Variants in NRG2 observed in about 807,000 individuals in gnomAD.
NRG2 encodes the protein neuregulin 2.
NRG2 carries 27 observed loss-of-function variants against 73.9 expected under a neutral mutation model. The ratio of observed to expected loss-of-function variants is 0.37; its 90% CI spans 0.27 to 0.50. NRG2 has a LOEUF of 0.50. Among genes scored for constraint, NRG2 ranks in the 20% least tolerant of loss-of-function variants. NRG2 has a pLI of 0.96. For missense variants in NRG2, 1,126 were observed against 1,210.1 expected (o/e 0.93, Z 1.03); for synonymous variants, 532 against 541.0 (o/e 0.98, Z 0.23).
intron 1 of NRG2, among the ~76,000 whole-genome samples, chr5:139,964,291 C>T (rs1023447389): frequency 5.9e-5 from 9 of 152,090 alleles, no homozygotes; most frequent in Admixed American, 4.6e-4. Flanking sequence ...CTTTATGTAT[C>T]TCCTTTCCGG....
chr5:140,021,466 G>T (rs1760218611), intron 1 of NRG2, among the ~76,000 whole-genome samples: 2 of 152,210 alleles, frequency 1.3e-5, no homozygotes, highest in South Asian at 4.1e-4. Flanking sequence ...AGGTGGGTAT[G>T]GAACACTGGA....
chr5:140,041,381 G>T (rs1761905793), intron 1 of NRG2, among the ~76,000 whole-genome samples: 1 of 152,318 alleles, frequency 6.6e-6, no homozygotes, highest in South Asian at 2.1e-4. Flanking sequence ...TTACTAAGAA[G>T]TAAGTACTGG....
chr5:139,929,997 A>G (rs1038138233), intron 1 of NRG2, among the ~76,000 whole-genome samples: 1 of 152,232 alleles, frequency 6.6e-6, no homozygotes, highest in Non-Finnish European at 1.5e-5. Flanking sequence ...AGGGTAAGCC[A>G]TTGTGACAAC....
At chr5:139,879,260 GA>G (rs148851984) in intron 3 of NRG2, among the ~76,000 whole-genome samples, 9,142 of 152,288 alleles carry the variant, frequency 0.06, 729 homozygotes, top group African/African-American at 0.18. Flanking sequence ...CACGCCCACA[GA>G]GAAAGTTCAG....
intron 1 of NRG2, among the ~76,000 whole-genome samples, chr5:139,897,349 C>T (rs1290406232): frequency 6.6e-6 from 1 of 152,164 alleles, no homozygotes; most frequent in East Asian, 1.9e-4. Flanking sequence ...TGCACAGTGC[C>T]TGAAACAGAG....
rs930196676 is a variant in NRG2 at position 140,008,556 on chromosome 5, G to C, written c.700+33814C>G. On this transcript the variant is annotated intron_variant, in intron 1 of 9. Transcript: ENST00000361474. The surrounding 1 kb of genome is among the most constrained non-coding windows in gnomAD (Gnocchi z 4.2). The stretch of plus-strand genomic sequence containing the variant: ...AGTGAGCTCATCTTTACCTGAGCTA[G>C]CTTGGGAGATTCTAACTTTGGCTTG... Among the ~76,000 whole-genome samples, 17 of 152,220 alleles carry C rather than the reference G, an allele frequency of 1.1e-4. No individual in the cohort carries two copies. Among genetic ancestry groups the C allele is most frequent in the African/African-American group, 4.1e-4 (17 of 41,448 alleles).
At chr5:139,976,136 A>C (rs1240792040) in intron 1 of NRG2, among the ~76,000 whole-genome samples, 2 of 152,198 alleles carry the variant, frequency 1.3e-5, no homozygotes, top group Non-Finnish European at 2.9e-5. Context: ...GGCTGGGTCT[A>C]TGTGACTCTC....
Position 139,852,153 on chromosome 5 carries a change from G to A in NRG2, c.1544+279C>T, listed in dbSNP as rs963627270. On this transcript the variant is annotated intron_variant, in intron 8 of 9. Coordinates refer to ENST00000361474, the MANE Select transcript of NRG2 (RefSeq NM_004883.3). The surrounding 1 kb of genome is among the most constrained non-coding windows in gnomAD (Gnocchi z 4.4). Reference sequence around the variant, plus strand: ...CCGTGGTCCTTAGCTACCTATCTCAGAAGCCCAGCCCCAGGGGCCAGTATG... The same window carrying A: ...CCGTGGTCCTTAGCTACCTATCTCAAAAGCCCAGCCCCAGGGGCCAGTATG... 6.6e-6 allele frequency among the ~76,000 whole-genome samples: 1 copy of A among 152,138 alleles called. No individual in the cohort carries two copies. The highest frequency in any genetic ancestry group is 1.5e-5 in the Non-Finnish European group (1 of 68,028).
At position 139,869,970 on chromosome 5, in the gene NRG2, G is replaced by T. The variant is rs1235320364; in HGVS notation, c.1112+1751C>A. 6.6e-6 allele frequency among the ~76,000 whole-genome samples: 1 copy of T among 152,204 alleles called. No individual in the cohort carries two copies. The highest frequency in any genetic ancestry group is 2.4e-5 in the African/African-American group (1 of 41,436). On this transcript the variant is annotated intron_variant, in intron 4 of 9. Transcript: ENST00000361474. The surrounding 1 kb of genome is among the most constrained non-coding windows in gnomAD (Gnocchi z 4.5). ...CAGAACCTTCCCTGCCCGGACGAGG[G>T]CTGACTTCAGTGACAGTGCTGGATC...
At chr5:139,938,895 A>AGAAG (rs1753090154) in intron 1 of NRG2, among the ~76,000 whole-genome samples, 1 of 75,818 alleles carries the variant, frequency 1.3e-5, no homozygotes, top group Non-Finnish European at 2.4e-5. Flanking sequence ...AAAGAAAGAA[A>AGAAG]GAAAGAAAGA....
chr5:139,848,185 G>T lies in NRG2; in HGVS notation c.2285C>A (p.Ser762Ter), dbSNP rs759120694. The part of the protein sequence containing the change: ...AAQRARAARD[S>*]LSLSSGSGGG... Reference sequence around the variant, plus strand: ...GCCCGAGCCGCTGCTCAGCGACAGCGAGTCCCTCGCCGCCCGTGCGCGCTG... The same window carrying T: ...GCCCGAGCCGCTGCTCAGCGACAGCTAGTCCCTCGCCGCCCGTGCGCGCTG... The change falls in exon 10 of 10, where the codon TCG becomes TAG. Residue 762 changes from serine (S) to a stop codon, truncating the protein, a stop_gained. Transcript: ENST00000361474. LOFTEE classifies it high-confidence loss of function. The T allele has an allele frequency of 7.2e-7, 1 of 1,398,326 alleles. No individual in the cohort carries two copies. Among genetic ancestry groups the T allele is most frequent in the Non-Finnish European group, 9.2e-7 (1 of 1,081,732 alleles). 86.6% of individuals were successfully genotyped at this position (1,398,326 alleles called of 1,614,324 possible). A position where few individuals can be genotyped will look rare whatever the true frequency, so the allele number is the denominator to read the frequency against.
At chr5:139,944,065 C>T (rs1168050052) in intron 1 of NRG2, among the ~76,000 whole-genome samples, 2 of 151,132 alleles carry the variant, frequency 1.3e-5, no homozygotes, top group African/African-American at 4.9e-5. Context: ...TTTTTCAACC[C>T]CTAAAAAATA....
intron 1 of NRG2, among the ~76,000 whole-genome samples, chr5:139,973,322 A>G (rs1378628949): frequency 6.6e-6 from 1 of 152,200 alleles, no homozygotes; most frequent in Middle Eastern, 3.2e-3. Context: ...ATAAAAACAC[A>G]GCTGTTATCA....
At position 139,865,133 on chromosome 5, in the gene NRG2, C is replaced by T. The variant is rs147378276; in HGVS notation, c.1189+416G>A. 4.3e-5 allele frequency: 70 copies of T among 1,613,488 alleles called. No individual in the cohort carries two copies. Among genetic ancestry groups the T allele is most frequent in the African/African-American group, 2.3e-4 (17 of 74,896 alleles). ...GACATACTGGAGAAGTTGACCATTG[C>T]GAACTGCTGACACCTGTCCCCGGTG... On this transcript the variant is annotated intron_variant, in intron 5 of 9. Coordinates refer to ENST00000361474, the MANE Select transcript of NRG2 (RefSeq NM_004883.3). The surrounding 1 kb of genome is among the most constrained non-coding windows in gnomAD (Gnocchi z 5.2).
At chr5:139,916,708 T>A (rs1410917676) in intron 1 of NRG2, among the ~76,000 whole-genome samples, 1 of 152,248 alleles carries the variant, frequency 6.6e-6, no homozygotes, top group East Asian at 1.9e-4. Flanking sequence ...TTCATCCATG[T>A]TGTAGCATGG....
chr5:139,977,405 C>T (rs1003956663), intron 1 of NRG2, among the ~76,000 whole-genome samples: 2 of 152,112 alleles, frequency 1.3e-5, no homozygotes, highest in African/African-American at 2.4e-5. Flanking sequence ...TCTTAATGTT[C>T]AATCAACTCA....
At chr5:139,938,900 GAAAGA>G (rs761406663) in intron 1 of NRG2, among the ~76,000 whole-genome samples, 7,217 of 62,818 alleles carry the variant, frequency 0.11, 451 homozygotes, top group African/African-American at 0.17. Flanking sequence ...AAGAAAGAAA[GAAAGA>G]AAAGAAAGAA....
At position 139,915,631 on chromosome 5, in the gene NRG2, C is replaced by T. The variant is rs974248641; in HGVS notation, c.701-28120G>A. 6.6e-6 allele frequency among the ~76,000 whole-genome samples: 1 copy of T among 152,138 alleles called. No individual in the cohort carries two copies. The highest frequency in any genetic ancestry group is 2.4e-5 in the African/African-American group (1 of 41,426). ...CTGCCTGATCTACAGGTGTTTTCTCCGTATATTGTCTGTATATTCAGACAA... is the reference window on the plus strand; with the variant it reads ...CTGCCTGATCTACAGGTGTTTTCTCTGTATATTGTCTGTATATTCAGACAA... On this transcript the variant is annotated intron_variant, in intron 1 of 9. Coordinates refer to ENST00000361474, the MANE Select transcript of NRG2 (RefSeq NM_004883.3). The surrounding 1 kb of genome is among the most constrained non-coding windows in gnomAD (Gnocchi z 4.0).
chr5:139,863,619 G>A (rs1388072734), intron 5 of NRG2, among the ~76,000 whole-genome samples: 1 of 152,248 alleles, frequency 6.6e-6, no homozygotes, highest in Non-Finnish European at 1.5e-5. Context: ...TCTGCCGAGA[G>A]GAATATTGCC....
Sources: allele counts gnomAD v4.1 joint callset (sites outside exome capture counted in the v4.1 genomes callset), GRCh38; gene constraint gnomAD v4.1.1; non-coding constraint Gnocchi (gnomAD v3.1); transcripts MANE v1.5; gene names NCBI Gene and HGNC (gene_info 2026-07-23, HGNC 2026-07-21).